SLC25A21: variants seen among roughly 807,000 people sequenced by gnomAD.
SLC25A21 encodes mitochondrial 2-oxodicarboxylate carrier.
A neutral mutation model predicts 43.8 loss-of-function variants in SLC25A21; 47 were observed. The ratio of observed to expected loss-of-function variants is 1.07; its 90% CI spans 0.85 to 1.37. The LOEUF (loss-of-function observed/expected upper bound fraction) is 1.37, where lower values mean the gene tolerates loss of function less well. SLC25A21 is among the 40% of genes most tolerant of loss of function. SLC25A21 has a pLI of 0.00. For missense variants in SLC25A21, 352 were observed against 350.2 expected (o/e 1.00, Z -0.04); for synonymous variants, 131 against 121.3 (o/e 1.08, Z -0.52).
chr14:36,991,597 T>C (rs1406310817), intron 1 of SLC25A21, among the ~76,000 whole-genome samples: 1 of 152,230 alleles, frequency 6.6e-6, no homozygotes, highest in Non-Finnish European at 1.5e-5. Context: ...GGTAATATTA[T>C]TATTTCCATG....
intron 2 of SLC25A21, among the ~76,000 whole-genome samples, chr14:36,859,952 C>T (rs918821314): frequency 6.6e-6 from 1 of 152,074 alleles, no homozygotes; most frequent in Non-Finnish European, 1.5e-5. Flanking sequence ...TGAGCACCTA[C>T]TTTGTGTTCA....
chr14:37,144,857 T>C (rs1377254888), intron 1 of SLC25A21, among the ~76,000 whole-genome samples: 1 of 152,166 alleles, frequency 6.6e-6, no homozygotes, highest in Non-Finnish European at 1.5e-5. Context: ...GGTCTTGAAT[T>C]CCTGAGCTTG....
chr14:36,820,969 A>G (rs1438601405), intron 2 of SLC25A21, among the ~76,000 whole-genome samples: 1 of 152,254 alleles, frequency 6.6e-6, no homozygotes, highest in Non-Finnish European at 1.5e-5. Flanking sequence ...TAACTGTAGG[A>G]AGATTAAATA....
rs541700511 is a variant in SLC25A21, at chr14:36,932,415, T to C, written c.71-57411A>G. Among the ~76,000 whole-genome samples, 182 of 152,222 alleles carry C rather than the reference T, an allele frequency of 1.2e-3. 1 individual carries two copies. The highest frequency in any genetic ancestry group is 4.1e-3 in the African/African-American group (170 of 41,548). On this transcript the variant is annotated intron_variant, in intron 1 of 9. Transcript: ENST00000331299. ...TCCTATTTAAGCACTTCCTGCTGAG[T>C]GAAGTAGTACTTCCTTTTACTTGTT...
At chr14:36,845,593 A>G (rs1412052690) in intron 2 of SLC25A21, among the ~76,000 whole-genome samples, 4 of 152,264 alleles carry the variant, frequency 2.6e-5, no homozygotes, top group Non-Finnish European at 5.9e-5. Flanking sequence ...ACATTTCCAC[A>G]TTTTAAAAAG....
chr14:37,016,866 T>C (rs556401240), intron 1 of SLC25A21, among the ~76,000 whole-genome samples: 1 of 152,154 alleles, frequency 6.6e-6, no homozygotes, highest in Non-Finnish European at 1.5e-5. Context: ...CCTGAACCAA[T>C]CTCTGCTGGC....
chr14:37,146,123 A>G (rs1963659892), intron 1 of SLC25A21, among the ~76,000 whole-genome samples: 1 of 152,202 alleles, frequency 6.6e-6, no homozygotes, highest in African/African-American at 2.4e-5. Context: ...TGAAGTTTTA[A>G]ATTAATTCAC....
chr14:36,860,703 T>C (rs569878813), intron 2 of SLC25A21, among the ~76,000 whole-genome samples: 77 of 152,334 alleles, frequency 5.1e-4, no homozygotes, highest in African/African-American at 1.4e-3. Context: ...TACTTCTTAC[T>C]TTTCAAAATT....
chr14:37,075,093 C>A (rs1004872793), intron 1 of SLC25A21, among the ~76,000 whole-genome samples: 1 of 152,200 alleles, frequency 6.6e-6, no homozygotes, highest in African/African-American at 2.4e-5. Flanking sequence ...CTTCCCTTTG[C>A]AACCCAGTAA....
At chr14:36,774,330 T>C (rs1056998499) in intron 3 of SLC25A21, among the ~76,000 whole-genome samples, 1 of 152,246 alleles carries the variant, frequency 6.6e-6, no homozygotes, top group Non-Finnish European at 1.5e-5. Context: ...TCTTTGATTA[T>C]ATTTTAAGTT....
At chr14:36,705,861 C>T (rs17091925) in intron 7 of SLC25A21, among the ~76,000 whole-genome samples, 12,709 of 152,102 alleles carry the variant, frequency 0.084, 990 homozygotes, top group East Asian at 0.29. Context: ...ACAAATTGTC[C>T]AAAGTGAATG....
Position 36,679,294 on chromosome 14 carries a change from T to C in SLC25A21, c.*1364A>G, listed in dbSNP as rs141752368. ...TGTACAACAGAAGGCTATGTATGTA[T>C]ATACAGTATGTCAAAAGCCTTTTAT... is the stretch of plus-strand genomic sequence containing the variant. On this transcript the variant is annotated 3_prime_UTR_variant, in exon 10 of 10. Coordinates refer to ENST00000331299, the MANE Select transcript of SLC25A21 (RefSeq NM_030631.4). 127 of 976,176 alleles carry C rather than the reference T, an allele frequency of 1.3e-4. No individual in the cohort carries two copies. In the East Asian group the frequency reaches 5.2e-3, roughly 40 times the overall value. The allele number at this position is 976,176 out of a possible 1,614,324, so 60.5% of individuals were successfully genotyped here.
At chr14:37,084,035 G>A (rs894554332) in intron 1 of SLC25A21, among the ~76,000 whole-genome samples, 12 of 152,136 alleles carry the variant, frequency 7.9e-5, no homozygotes, top group African/African-American at 2.6e-4. Flanking sequence ...CTTCCTGGAC[G>A]GTCCCATTAA....
intron 1 of SLC25A21, among the ~76,000 whole-genome samples, chr14:36,983,117 C>A (rs781488692): frequency 3.3e-5 from 5 of 152,104 alleles, no homozygotes; most frequent in Non-Finnish European, 7.4e-5. Context: ...AGAAAAGTTA[C>A]TTTTCTCTTC....
intron 1 of SLC25A21, among the ~76,000 whole-genome samples, chr14:36,884,347 T>C (rs1242594821): frequency 6.6e-6 from 1 of 152,204 alleles, no homozygotes; most frequent in Non-Finnish European, 1.5e-5. Context: ...GAGTATTCTG[T>C]TGTATACATT....
At chr14:37,099,927 T>C (rs1402922593) in intron 1 of SLC25A21, among the ~76,000 whole-genome samples, 1 of 152,158 alleles carries the variant, frequency 6.6e-6, no homozygotes, top group African/African-American at 2.4e-5. Flanking sequence ...TTTAAACAAA[T>C]GGTACTCCAA....
chr14:36,685,612 A>G (rs1350469990), intron 7 of SLC25A21, among the ~76,000 whole-genome samples: 2 of 152,220 alleles, frequency 1.3e-5, no homozygotes, highest in African/African-American at 2.4e-5. Flanking sequence ...CTCCATGGCA[A>G]AGGAAGAAAA....
intron 1 of SLC25A21, among the ~76,000 whole-genome samples, chr14:36,936,764 T>C (rs1380881162): frequency 1.3e-5 from 2 of 152,216 alleles, no homozygotes; most frequent in African/African-American, 2.4e-5. Flanking sequence ...TTCCACTTTG[T>C]CCTTGTAGAT....
At chr14:36,964,576 A>T (rs1959570066) in intron 1 of SLC25A21, among the ~76,000 whole-genome samples, 1 of 152,246 alleles carries the variant, frequency 6.6e-6, no homozygotes, top group Non-Finnish European at 1.5e-5. Flanking sequence ...ATAACACACT[A>T]ATGTGCGTAA....
Sources: gnomAD v4.1 joint callset for allele counts (sites outside exome capture counted in the v4.1 genomes callset) on GRCh38, gnomAD v4.1.1 for gene constraint, MANE v1.5 for transcripts, NCBI Gene and HGNC (gene_info 2026-07-23, HGNC 2026-07-21) for gene names.